Variants in CYTH1 observed in about 807,000 individuals in gnomAD.
CYTH1 encodes cytohesin 1.
A neutral mutation model predicts 61.8 loss-of-function variants in CYTH1; 18 were observed. That is an observed-to-expected ratio of 0.29 (90% CI 0.20 to 0.43). The LOEUF is 0.43. CYTH1 is among the 20% of genes least tolerant of loss of function. The pLI is 1.00. For missense variants in CYTH1, 336 were observed against 510.5 expected (o/e 0.66, Z 3.29); for synonymous variants, 174 against 184.3 (o/e 0.94, Z 0.45).
At chr17:78,760,557 GTA>G (rs1234141383) in intron 1 of CYTH1, among the ~76,000 whole-genome samples, 1,764 of 22,416 alleles carry the variant, frequency 0.079, 208 homozygotes, top group Non-Finnish European at 0.11. Flanking sequence ...ATATATATAT[GTA>G]TATATATATA....
chr17:78,760,179 A>G (rs567807273), intron 1 of CYTH1, among the ~76,000 whole-genome samples: 146 of 151,654 alleles, frequency 9.6e-4, no homozygotes, highest in African/African-American at 3.4e-3. Context: ...CCACTTCTGC[A>G]TGTTCATCTG....
intron 1 of CYTH1, among the ~76,000 whole-genome samples, chr17:78,715,888 A>T (rs1365979624): frequency 6.6e-6 from 1 of 152,166 alleles, no homozygotes; most frequent in African/African-American, 2.4e-5. Context: ...ATCTGTTACC[A>T]AGGTGAAGGA....
intron 1 of CYTH1, among the ~76,000 whole-genome samples, chr17:78,714,323 G>A (rs927891812): frequency 6.6e-6 from 1 of 151,850 alleles, no homozygotes; most frequent in African/African-American, 2.4e-5. Flanking sequence ...AAATAGTAAA[G>A]GAACAAAAAC....
intron 11 of CYTH1, among the ~76,000 whole-genome samples, chr17:78,683,800 C>T (rs1488278374): frequency 6.6e-6 from 1 of 152,176 alleles, no homozygotes; most frequent in African/African-American, 2.4e-5. Context: ...CAGTTCTCAG[C>T]CAATTCTGCT....
At position 78,676,023 on chromosome 17, in the gene CYTH1, T is replaced by C; in HGVS notation, c.*68A>G. The C allele has an allele frequency of 1.3e-6, 2 of 1,560,444 alleles. No individual in the cohort carries two copies. The highest frequency in any genetic ancestry group is 1.7e-6 in the Non-Finnish European group (2 of 1,151,030). ...GGACGCTCTGCTCGGCAGCAGTGCA[T>C]CCATGGAGGTGCGGGAGAAGAGCAG... On this transcript the variant is annotated 3_prime_UTR_variant, in exon 14 of 14. Coordinates refer to ENST00000446868, the MANE Select transcript of CYTH1 (RefSeq NM_004762.6).
At chr17:78,711,804 G>C (rs1343370732) in intron 1 of CYTH1, among the ~76,000 whole-genome samples, 1 of 151,754 alleles carries the variant, frequency 6.6e-6, no homozygotes, top group African/African-American at 2.4e-5. Flanking sequence ...TTTTAGTCCA[G>C]GCCTTGTAGC....
intron 11 of CYTH1, among the ~76,000 whole-genome samples, chr17:78,686,480 C>T (rs1286627656): frequency 6.6e-6 from 1 of 152,140 alleles, no homozygotes; most frequent in African/African-American, 2.4e-5. Context: ...TCCCCCTAAC[C>T]ACTTACCCTG....
intron 1 of CYTH1, among the ~76,000 whole-genome samples, chr17:78,735,361 G>A (rs558333772): frequency 2.6e-5 from 4 of 152,298 alleles, no homozygotes; most frequent in South Asian, 2.1e-4. Context: ...GGCCAGGCCC[G>A]GCTCACTCCT....
intron 1 of CYTH1, among the ~76,000 whole-genome samples, chr17:78,736,505 T>C (rs2093320846): frequency 6.6e-6 from 1 of 151,882 alleles, no homozygotes; most frequent in African/African-American, 2.4e-5. Context: ...TAAGAGACTA[T>C]GCAGTCTTTC....
intron 1 of CYTH1, among the ~76,000 whole-genome samples, chr17:78,770,208 C>G (rs2093465088): frequency 6.6e-6 from 1 of 150,440 alleles, no homozygotes; most frequent in Admixed American, 6.6e-5. Context: ...TCTGTAATCC[C>G]AGCTACTTGG....
intron 3 of CYTH1, 122 bp downstream of exon 3, chr17:78,708,075 G>C (rs531307021): frequency 2.1e-6 from 2 of 957,644 alleles, no homozygotes; most frequent in South Asian, 1.4e-5. Flanking sequence ...GTATGTGCTT[G>C]CTAGAATTAG....
chr17:78,723,951 C>T (rs1244699220), intron 1 of CYTH1: 5 of 152,414 alleles, frequency 3.3e-5, no homozygotes, highest in Non-Finnish European at 7.3e-5. Context: ...TGCTCCCTTC[C>T]TCCAGGGATC....
rs2093411281 is a variant in CYTH1 at position 78,758,654 on chromosome 17, CCG to C, written c.22+23546_22+23547del. On this transcript the variant is annotated intron_variant, in intron 1 of 13. Transcript: ENST00000446868. ...AGGAGGCGGAGGAGGTTGCAGTGGG[CCG>C]AGATTGCACCATTGTATTCCAGCCT... Among the ~76,000 whole-genome samples the C allele has an allele frequency of 5.9e-5, 9 of 152,034 alleles. No homozygotes were observed. In the South Asian group the frequency reaches 1.9e-3, roughly 32 times the overall value.
chr17:78,769,958 T>C (rs938701750), intron 1 of CYTH1, among the ~76,000 whole-genome samples: 11 of 152,210 alleles, frequency 7.2e-5, no homozygotes, highest in Admixed American at 6.5e-4. Flanking sequence ...GACGCCATCC[T>C]GGCCAACATG....
At position 78,702,139 on chromosome 17, in the gene CYTH1, G is replaced by A. The variant is rs757778659; in HGVS notation, c.339C>T (p.Gly113=). The A allele has an allele frequency of 5.0e-6, 8 of 1,613,728 alleles. No homozygotes were observed. The African/African-American group carries it at 8.0e-5, about 16-fold the overall frequency. ...GGCCTTACCTCTCCCCTAGGTAGTC[G>A]CCGATGGCTGTCTTGTTGAGCCCTT... The part of the protein sequence containing the change: ...KGEGLNKTAI[G]DYLGERDEFN... The change falls in exon 5 of 14, where the codon GGC becomes GGT. Residue 113 remains glycine, a synonymous_variant. Transcript: ENST00000446868.
chr17:78,678,690 G>C (rs555048605), intron 13 of CYTH1, among the ~76,000 whole-genome samples: 1 of 152,186 alleles, frequency 6.6e-6, no homozygotes, highest in Non-Finnish European at 1.5e-5. Context: ...GTGGCACCGC[G>C]TCTGCTCAAT....
At chr17:78,752,648 C>T (rs1010844992) in intron 1 of CYTH1, among the ~76,000 whole-genome samples, 18 of 152,078 alleles carry the variant, frequency 1.2e-4, no homozygotes, top group Non-Finnish European at 1.9e-4. Context: ...CCAGGCTGGC[C>T]GCAAACTCCT....
In CYTH1 at chr17:78,750,157, C is replaced by T. The variant is rs369710783; in HGVS notation, c.22+32045G>A. Among the ~76,000 whole-genome samples, 4 of 152,266 alleles carry T rather than the reference C, an allele frequency of 2.6e-5. No individual in the cohort carries two copies. The East Asian group carries it at 7.7e-4, about 29-fold the overall frequency. ...AATTCAGTGGCCTCCACTAGCACAT[C>T]AGCAGCAGAGATGCAGAAAAACAGA... On this transcript the variant is annotated intron_variant, in intron 1 of 13. Coordinates refer to ENST00000446868, the MANE Select transcript of CYTH1 (RefSeq NM_004762.6).
intron 9 of CYTH1, among the ~76,000 whole-genome samples, chr17:78,697,436 T>C (rs2092951682): frequency 6.6e-6 from 1 of 151,358 alleles, no homozygotes; most frequent in Non-Finnish European, 1.5e-5. Flanking sequence ...ATGAAAACCC[T>C]ACTAAAGTCT....
Sources: gnomAD v4.1 joint callset for allele counts (sites outside exome capture counted in the v4.1 genomes callset) on GRCh38, gnomAD v4.1.1 for gene constraint, MANE v1.5 for transcripts, NCBI Gene and HGNC (gene_info 2026-07-23, HGNC 2026-07-21) for gene names.